TRANK1: variants seen among roughly 807,000 people sequenced by gnomAD.
TRANK1 encodes TPR and ankyrin repeat-containing protein 1.
In TRANK1, 198 loss-of-function variants were observed where a neutral mutation model predicts 266.0. The observed-to-expected ratio is 0.74, with a 90% CI of 0.66 to 0.84. The LOEUF (loss-of-function observed/expected upper bound fraction) is 0.84, where lower values mean the gene tolerates loss of function less well. Among genes scored for constraint, TRANK1 ranks in the 40% least tolerant of loss-of-function variants. The pLI is 0.00. For missense variants in TRANK1, 3,326 were observed against 3,634.6 expected, an observed-to-expected ratio of 0.92 and a Z score of 2.18; for synonymous variants, 1,396 against 1,384.1, an observed-to-expected ratio of 1.01 and a Z score of -0.19.
intron 8 of TRANK1, among the ~76,000 whole-genome samples, chr3:36,883,187 T>C (rs918319335): frequency 6.6e-6 from 1 of 152,144 alleles, no homozygotes; most frequent in Non-Finnish European, 1.5e-5. Context: ...ATGCCTGTAA[T>C]CTCAGCATTT....
chr3:36,907,459 ATTTTTTTTTTT>A (rs1212991729), intron 2 of TRANK1, among the ~76,000 whole-genome samples: 195 of 104,344 alleles, frequency 1.9e-3, no homozygotes, highest in African/African-American at 7.1e-3. Context: ...AAATTTATTG[ATTTTTTTTTTT>A]TTTTTTTTTT....
intron 8 of TRANK1, among the ~76,000 whole-genome samples, chr3:36,879,462 A>G (rs1164073021): frequency 1.3e-5 from 2 of 150,074 alleles, no homozygotes; most frequent in Admixed American, 1.3e-4. Flanking sequence ...TTCAAAATGA[A>G]CATATCAAAC....
chr3:36,912,674 C>T (rs1018678719), intron 1 of TRANK1, among the ~76,000 whole-genome samples: 1 of 152,084 alleles, frequency 6.6e-6, no homozygotes, highest in African/African-American at 2.4e-5. Flanking sequence ...CAGAGCAGAT[C>T]CAGGTGGTTG....
chr3:36,905,561 T>C (rs1314656399), intron 2 of TRANK1, among the ~76,000 whole-genome samples: 1 of 152,094 alleles, frequency 6.6e-6, no homozygotes, highest in African/African-American at 2.4e-5. Context: ...AAAATAAATT[T>C]CTGTTGTTTA....
chr3:36,828,011 T>C lies in TRANK1; in HGVS notation c.*264A>G, dbSNP rs2078650218. 1.7e-5 allele frequency: 7 copies of C among 407,690 alleles called. No homozygotes were observed. Among genetic ancestry groups the C allele is most frequent in the Non-Finnish European group, 2.7e-5 (6 of 219,772 alleles). 25.3% of individuals were successfully genotyped at this position (407,690 alleles called of 1,614,324 possible). ...GCAGTGAGGAGTCCCAACATTCCCT[T>C]CGACTACAACTTCTCTACCTGAATT... On this transcript the variant is annotated 3_prime_UTR_variant, in exon 24 of 24. Transcript: ENST00000645898.
At chr3:36,872,593 AT>A (rs1213205519) in intron 9 of TRANK1, among the ~76,000 whole-genome samples, 1 of 152,198 alleles carries the variant, frequency 6.6e-6, no homozygotes, top group Non-Finnish European at 1.5e-5. Flanking sequence ...TAAAACTATA[AT>A]TTTCCAAATT....
At chr3:36,882,400 C>G (rs2079544270) in intron 8 of TRANK1, among the ~76,000 whole-genome samples, 1 of 152,158 alleles carries the variant, frequency 6.6e-6, no homozygotes, top group Non-Finnish European at 1.5e-5. Context: ...TTAGTGACAT[C>G]TCCAATTACT....
chr3:36,941,483 G>A (rs1229572161), intron 1 of TRANK1, among the ~76,000 whole-genome samples: 2 of 152,168 alleles, frequency 1.3e-5, no homozygotes, highest in Non-Finnish European at 2.9e-5. Context: ...CTTAGGCAAA[G>A]GTCATTCACA....
chr3:36,841,182 A>C (rs903216115), intron 18 of TRANK1, among the ~76,000 whole-genome samples: 2 of 152,204 alleles, frequency 1.3e-5, no homozygotes, highest in Non-Finnish European at 2.9e-5. Context: ...AATGAGAAGA[A>C]GGATCATTAG....
intron 1 of TRANK1, among the ~76,000 whole-genome samples, chr3:36,931,430 T>G (rs2080358731): frequency 6.6e-6 from 1 of 152,204 alleles, no homozygotes; most frequent in Non-Finnish European, 1.5e-5. Flanking sequence ...TGCAACCAAG[T>G]ACAGTGGCTC....
chr3:36,908,302 G>A (rs2080003097), intron 2 of TRANK1, 21 bp downstream of exon 2: 2 of 1,232,032 alleles, frequency 1.6e-6, no homozygotes, highest in African/African-American at 1.6e-5. Context: ...GAAAAGATGA[G>A]GTGAAAATGC....
rs1361003425 is a variant in TRANK1 at position 36,879,810 on chromosome 3, A to G, written c.908-5514T>C. Among the ~76,000 whole-genome samples the G allele has an allele frequency of 1.9e-5, 2 of 105,986 alleles. 1 individual carries two copies. Among genetic ancestry groups the G allele is most frequent in the Non-Finnish European group, 3.6e-5 (2 of 55,084 alleles). The allele number at this position is 105,986 out of a possible 152,430, so 69.5% of individuals were successfully genotyped here. ...TGTAAATATATAAATATACAAATAT[A>G]TGTAAATATACAAATATATGTAAAT... On this transcript the variant is annotated intron_variant, in intron 8 of 23. Transcript: ENST00000645898.
At chr3:36,864,133 T>G (rs1428333862) in intron 10 of TRANK1, among the ~76,000 whole-genome samples, 186 bp downstream of exon 10, 2 of 152,182 alleles carry the variant, frequency 1.3e-5, no homozygotes, top group African/African-American at 4.8e-5. Flanking sequence ...GGGATGGGAT[T>G]TAGGGGTTGA....
At chr3:36,886,234 A>C (rs1215443987) in intron 8 of TRANK1, among the ~76,000 whole-genome samples, 1 of 148,696 alleles carries the variant, frequency 6.7e-6, no homozygotes, top group Non-Finnish European at 1.5e-5. Context: ...TCCCAAGTTC[A>C]AGCGATTCTC....
intron 1 of TRANK1, among the ~76,000 whole-genome samples, chr3:36,927,904 C>T (rs949384200): frequency 7.2e-5 from 11 of 152,208 alleles, no homozygotes; most frequent in Non-Finnish European, 1.0e-4. Flanking sequence ...CTCAGAGAAT[C>T]ATGCTGTCTT....
intron 1 of TRANK1, among the ~76,000 whole-genome samples, chr3:36,924,147 C>T (rs1258538302): frequency 6.6e-6 from 1 of 152,160 alleles, no homozygotes; most frequent in Non-Finnish European, 1.5e-5. Flanking sequence ...CTCTCCTGGG[C>T]GGGCACCAGG....
chr3:36,837,837 A>G (rs1365500534), intron 20 of TRANK1, among the ~76,000 whole-genome samples: 1 of 152,260 alleles, frequency 6.6e-6, no homozygotes. Flanking sequence ...TTCTGTTAAC[A>G]ATGAGCACTT....
At chr3:36,864,142 G>T (rs1168528513) in intron 10 of TRANK1, among the ~76,000 whole-genome samples, 177 bp downstream of exon 10, 1 of 152,194 alleles carries the variant, frequency 6.6e-6, no homozygotes, top group Non-Finnish European at 1.5e-5. Context: ...TTTAGGGGTT[G>T]AAGTTCAGGG....
Position 36,831,924 on chromosome 3 carries a change from A to G in TRANK1, c.7659T>C (p.Tyr2553=), listed in dbSNP as rs755417569. Residue 2553 remains tyrosine (Y), a synonymous_variant, in exon 22 of 24, where the codon TAT becomes TAC. Coordinates refer to ENST00000645898, the MANE Select transcript of TRANK1 (RefSeq NM_001329998.2). This position sits in a 1 kb window ranked among gnomAD's most constrained non-coding sequence, Gnocchi z 5.0. ...TCCGCTCAGCCTCACCCGAGACCAC[A>G]TAGTCTATTTCACTGAAGGCATCAA... ...VLLDAFSEID[Y]VVSGEAERTL... 6 of 1,614,008 alleles carry G rather than the reference A, an allele frequency of 3.7e-6. No individual in the cohort carries two copies. The highest frequency in any genetic ancestry group is 1.3e-5 in the African/African-American group (1 of 75,056).
Sources: gnomAD v4.1 joint callset for allele counts (sites outside exome capture counted in the v4.1 genomes callset) on GRCh38, gnomAD v4.1.1 for gene constraint, Gnocchi (gnomAD v3.1) non-coding constraint, MANE v1.5 for transcripts, NCBI Gene and HGNC (gene_info 2026-07-23, HGNC 2026-07-21) for gene names.